PDSS2: variants seen among roughly 807,000 people sequenced by gnomAD.
The protein encoded by PDSS2 is all trans-polyprenyl-diphosphate synthase PDSS2.
PDSS2 carries 31 observed loss-of-function variants against 44.5 expected under a neutral mutation model. The observed-to-expected ratio is 0.70, with a 90% CI of 0.52 to 0.94. The LOEUF is 0.94. Ranked by LOEUF, PDSS2 falls within the 40% of genes least tolerant of loss-of-function variation. The pLI, the probability that PDSS2 is intolerant of heterozygous loss-of-function variation, is 0.00. For missense variants in PDSS2, 452 were observed against 482.2 expected (o/e 0.94, Z 0.59); for synonymous variants, 157 against 180.3 (o/e 0.87, Z 1.03).
chr6:107,317,139 C>T (rs1777226982), intron 2 of PDSS2, among the ~76,000 whole-genome samples: 1 of 152,278 alleles, frequency 6.6e-6, no homozygotes, highest in Middle Eastern at 3.4e-3. Context: ...TGGCCAACCT[C>T]TCCTCCACGG....
intron 1 of PDSS2, among the ~76,000 whole-genome samples, chr6:107,346,651 A>G (rs1778256970): frequency 6.6e-6 from 1 of 152,198 alleles, no homozygotes. Context: ...TATATCCAAT[A>G]AGCGAGAGAC....
intron 2 of PDSS2, among the ~76,000 whole-genome samples, chr6:107,298,090 G>A (rs1776569816): frequency 6.6e-6 from 1 of 152,176 alleles, no homozygotes; most frequent in Non-Finnish European, 1.5e-5. Flanking sequence ...TCAGTATGAT[G>A]TGAAAAAGAT....
At chr6:107,340,984 G>A (rs946393972) in intron 1 of PDSS2, among the ~76,000 whole-genome samples, 2 of 152,208 alleles carry the variant, frequency 1.3e-5, no homozygotes, top group South Asian at 2.1e-4. Flanking sequence ...GAAATCTGGA[G>A]GCATAAGTGG....
chr6:107,294,644 T>C (rs967214520), intron 2 of PDSS2, among the ~76,000 whole-genome samples: 1 of 152,132 alleles, frequency 6.6e-6, no homozygotes, highest in Non-Finnish European at 1.5e-5. Flanking sequence ...GTCCCAGATA[T>C]TCTGATTTTT....
intron 1 of PDSS2, among the ~76,000 whole-genome samples, chr6:107,387,729 C>T (rs989348929): frequency 2.6e-5 from 4 of 152,218 alleles, no homozygotes; most frequent in African/African-American, 9.6e-5. Context: ...TACTGACCAT[C>T]CCTAGAGGCT....
At chr6:107,223,027 C>A (rs914968834) in intron 4 of PDSS2, among the ~76,000 whole-genome samples, 16 of 151,384 alleles carry the variant, frequency 1.1e-4, no homozygotes, top group Admixed American at 3.9e-4. Flanking sequence ...CGGCTCACTG[C>A]AACCTCTGCC....
At chr6:107,239,149 C>T (rs1405045956) in intron 4 of PDSS2, among the ~76,000 whole-genome samples, 5 of 152,010 alleles carry the variant, frequency 3.3e-5, no homozygotes, top group African/African-American at 1.2e-4. Context: ...TGGTGGTACA[C>T]ACCTGTAATC....
At chr6:107,225,137 T>A (rs6568478) in intron 4 of PDSS2, among the ~76,000 whole-genome samples, 31,641 of 61,616 alleles carry the variant, frequency 0.51, 9,019 homozygotes, top group East Asian at 0.78. Context: ...ATATATATTT[T>A]TATATATATA....
chr6:107,376,031 T>C (rs1032706684), intron 1 of PDSS2, among the ~76,000 whole-genome samples: 1 of 152,194 alleles, frequency 6.6e-6, no homozygotes, highest in Admixed American at 6.5e-5. Flanking sequence ...CCTTTCCCCA[T>C]TGCTTGTTTT....
chr6:107,353,440 A>C (rs948032988), intron 1 of PDSS2, among the ~76,000 whole-genome samples: 1 of 152,198 alleles, frequency 6.6e-6, no homozygotes, highest in African/African-American at 2.4e-5. Context: ...TTCTATTTAA[A>C]GCTTAAAGCC....
intron 1 of PDSS2, among the ~76,000 whole-genome samples, chr6:107,375,310 A>G (rs1402586570): frequency 6.6e-6 from 1 of 152,142 alleles, no homozygotes; most frequent in Non-Finnish European, 1.5e-5. Flanking sequence ...GAAAAGATAT[A>G]TAAACCAGAT....
chr6:107,331,783 ATATT>A (rs1387927782), intron 2 of PDSS2, among the ~76,000 whole-genome samples: 1 of 152,198 alleles, frequency 6.6e-6, no homozygotes, highest in African/African-American at 2.4e-5. Flanking sequence ...TATTTATTGA[ATATT>A]TACTATGTAT....
At chr6:107,291,474 A>C (rs537110051) in intron 2 of PDSS2, among the ~76,000 whole-genome samples, 60 of 150,104 alleles carry the variant, frequency 4.0e-4, no homozygotes, top group African/African-American at 1.4e-3. Flanking sequence ...CAACCTCCTC[A>C]GTAGCTGGGA....
intron 2 of PDSS2, among the ~76,000 whole-genome samples, chr6:107,322,055 C>T (rs553574008): frequency 6.6e-6 from 1 of 152,346 alleles, no homozygotes; most frequent in African/African-American, 2.4e-5. Context: ...TCAACCTACA[C>T]TCTTGCACAT....
intron 1 of PDSS2, among the ~76,000 whole-genome samples, chr6:107,432,880 T>C (rs987732443): frequency 1.3e-5 from 2 of 152,178 alleles, no homozygotes; most frequent in Non-Finnish European, 1.5e-5. Flanking sequence ...ATTCTTCCCA[T>C]CTAGTTGTAA....
chr6:107,412,953 T>C (rs1780550883), intron 1 of PDSS2, among the ~76,000 whole-genome samples: 1 of 152,174 alleles, frequency 6.6e-6, no homozygotes, highest in Admixed American at 6.5e-5. Flanking sequence ...TTTTACCATA[T>C]CCTAGGTTGT....
chr6:107,443,001 G>A (rs1781556183), intron 1 of PDSS2, among the ~76,000 whole-genome samples: 1 of 152,116 alleles, frequency 6.6e-6, no homozygotes, highest in African/African-American at 2.4e-5. Context: ...ACAATTTATT[G>A]CACTTTGTGT....
intron 1 of PDSS2, among the ~76,000 whole-genome samples, chr6:107,378,128 G>C (rs1779345993): frequency 6.7e-6 from 1 of 149,096 alleles, no homozygotes; most frequent in African/African-American, 2.5e-5. Flanking sequence ...AAAGAAGGAA[G>C]CTTCCTCAAC....
chr6:107,305,066 C>CT (rs1351043575), intron 2 of PDSS2, among the ~76,000 whole-genome samples: 1 of 152,132 alleles, frequency 6.6e-6, no homozygotes, highest in Admixed American at 6.6e-5. Flanking sequence ...GAAAGGTCTA[C>CT]TGAATAACTT....
Sources: gnomAD v4.1 joint callset for allele counts (sites outside exome capture counted in the v4.1 genomes callset) on GRCh38, gnomAD v4.1.1 for gene constraint, MANE v1.5 for transcripts, NCBI Gene and HGNC (gene_info 2026-07-23, HGNC 2026-07-21) for gene names.